Variants in ATP6V1H observed in about 807,000 individuals in gnomAD.
ATP6V1H encodes V-type proton ATPase subunit H.
In ATP6V1H, 39 loss-of-function variants were observed where a neutral mutation model predicts 71.7. The ratio of observed to expected loss-of-function variants is 0.54; its 90% CI spans 0.42 to 0.71. The LOEUF (loss-of-function observed/expected upper bound fraction) is 0.71, where lower values mean the gene tolerates loss of function less well. ATP6V1H is among the 30% of genes least tolerant of loss of function. The pLI is 0.00. For synonymous variants in ATP6V1H, 192 were observed against 199.3 expected, an observed-to-expected ratio of 0.96 and a Z score of 0.31; for missense variants, 509 against 594.9, an observed-to-expected ratio of 0.86 and a Z score of 1.50.
intron 10 of ATP6V1H, among the ~76,000 whole-genome samples, chr8:53,770,781 T>A (rs1464074073): frequency 6.6e-6 from 1 of 152,164 alleles, no homozygotes; most frequent in Non-Finnish European, 1.5e-5. Context: ...ACTAATCTTA[T>A]TTTTTGCAAA....
At chr8:53,799,525 T>G (rs1809843900) in intron 8 of ATP6V1H, among the ~76,000 whole-genome samples, 1 of 152,200 alleles carries the variant, frequency 6.6e-6, no homozygotes, top group South Asian at 2.1e-4. Flanking sequence ...CAGAAAGACG[T>G]GCTTACAAGG....
intron 12 of ATP6V1H, among the ~76,000 whole-genome samples, chr8:53,754,076 G>A (rs1343286717): frequency 6.6e-6 from 1 of 152,174 alleles, no homozygotes; most frequent in Non-Finnish European, 1.5e-5. Context: ...GAGGAACCCT[G>A]AACTTAGAGA....
intron 8 of ATP6V1H, among the ~76,000 whole-genome samples, chr8:53,797,762 G>A (rs1809788347): frequency 6.6e-6 from 1 of 151,892 alleles, no homozygotes. Flanking sequence ...CATTTTGGGA[G>A]GCCAGGGTGG....
chr8:53,797,724 G>A (rs1335182351), intron 8 of ATP6V1H, among the ~76,000 whole-genome samples: 1 of 151,820 alleles, frequency 6.6e-6, no homozygotes, highest in Non-Finnish European at 1.5e-5. Context: ...TAGTGGTTGG[G>A]CATGGTGGCT....
intron 5 of ATP6V1H, among the ~76,000 whole-genome samples, chr8:53,816,727 C>T (rs1245382001): frequency 6.6e-6 from 1 of 151,650 alleles, no homozygotes; most frequent in Non-Finnish European, 1.5e-5. Context: ...ACCCGGGAGG[C>T]GGAGGTTGCA....
At chr8:53,775,740 G>A (rs1230756852) in intron 9 of ATP6V1H, among the ~76,000 whole-genome samples, 1 of 152,176 alleles carries the variant, frequency 6.6e-6, no homozygotes, top group Non-Finnish European at 1.5e-5. Context: ...CAAACCTTGA[G>A]CTAGACACAG....
intron 13 of ATP6V1H, among the ~76,000 whole-genome samples, chr8:53,741,683 T>C (rs1315805503): frequency 6.6e-6 from 1 of 152,224 alleles, no homozygotes; most frequent in Non-Finnish European, 1.5e-5. Context: ...ATGTATCCTA[T>C]GTTTTACTGA....
At chr8:53,764,038 T>C (rs1418710997) in intron 11 of ATP6V1H, among the ~76,000 whole-genome samples, 1 of 152,164 alleles carries the variant, frequency 6.6e-6, no homozygotes. Context: ...GAGTAATTAA[T>C]AACCTTACAA....
chr8:53,793,186 G>A lies in ATP6V1H; in HGVS notation c.870+2461C>T, dbSNP rs140038065. Among the ~76,000 whole-genome samples, 333 of 152,156 alleles carry A rather than the reference G, an allele frequency of 2.2e-3. 1 individual carries two copies. Among genetic ancestry groups the A allele is most frequent in the African/African-American group, 6.3e-3 (262 of 41,496 alleles). On this transcript the variant is annotated intron_variant, in intron 9 of 13. Coordinates refer to ENST00000359530, the MANE Select transcript of ATP6V1H (RefSeq NM_015941.4). ...ATGCTCAGCCTCATTCATTATTAACGGAATGCAAATTTAAAACAATGATTT... is the reference window on the plus strand; with the variant it reads ...ATGCTCAGCCTCATTCATTATTAACAGAATGCAAATTTAAAACAATGATTT...
intron 9 of ATP6V1H, among the ~76,000 whole-genome samples, chr8:53,781,037 A>C (rs1482909097): frequency 6.6e-6 from 1 of 152,150 alleles, no homozygotes; most frequent in Non-Finnish European, 1.5e-5. Context: ...ATGATTTATA[A>C]TCCTTTGGGT....
chr8:53,805,376 T>C (rs1225397460), intron 7 of ATP6V1H, among the ~76,000 whole-genome samples: 1 of 152,210 alleles, frequency 6.6e-6, no homozygotes, highest in Non-Finnish European at 1.5e-5. Context: ...AATGAAAAGA[T>C]GCTGATCAAA....
intron 2 of ATP6V1H, among the ~76,000 whole-genome samples, chr8:53,835,152 A>C (rs1301094896): frequency 1.3e-5 from 2 of 150,796 alleles, no homozygotes; most frequent in Admixed American, 1.3e-4. Flanking sequence ...TGTCTCAAAC[A>C]AAAAAAAAGC....
chr8:53,799,751 G>C (rs1375490926), intron 8 of ATP6V1H, among the ~76,000 whole-genome samples: 1 of 152,146 alleles, frequency 6.6e-6, no homozygotes, highest in Non-Finnish European at 1.5e-5. Flanking sequence ...TGAGGGCAGA[G>C]CACTCATGAA....
intron 8 of ATP6V1H, among the ~76,000 whole-genome samples, chr8:53,800,407 G>C (rs1481342010): frequency 1.3e-5 from 2 of 152,222 alleles, no homozygotes; most frequent in Non-Finnish European, 2.9e-5. Flanking sequence ...ACAGAGGAAA[G>C]TGTTTCACAA....
intron 9 of ATP6V1H, among the ~76,000 whole-genome samples, chr8:53,786,542 G>A (rs1809391214): frequency 6.6e-6 from 1 of 152,270 alleles, no homozygotes; most frequent in African/African-American, 2.4e-5. Context: ...TGCACACACT[G>A]TCTGGCACTC....
chr8:53,812,870 T>C (rs1054988379), intron 6 of ATP6V1H, among the ~76,000 whole-genome samples: 4 of 152,162 alleles, frequency 2.6e-5, no homozygotes, highest in Non-Finnish European at 2.9e-5. Context: ...AATTGTTCTA[T>C]TTTTCGTAAA....
In ATP6V1H at chr8:53,716,039, T is replaced by C. The variant is rs756392272; in HGVS notation, c.1392-15A>G. 6.3e-7 allele frequency: 1 copy of C among 1,598,868 alleles called. No individual in the cohort carries two copies. Among genetic ancestry groups the C allele is most frequent in the Non-Finnish European group, 8.5e-7 (1 of 1,172,628 alleles). On this transcript the variant is annotated splice_polypyrimidine_tract_variant and intron_variant, in intron 13 of 13. Transcript: ENST00000359530. Reference sequence around the variant, plus strand: ...CAAGGTATTCCCTGAAAAAAAAGAATGAAGTAAGGAGAATGAGAATTTCAA... The same window carrying C: ...CAAGGTATTCCCTGAAAAAAAAGAACGAAGTAAGGAGAATGAGAATTTCAA...
chr8:53,822,843 A>T (rs1329987455), intron 4 of ATP6V1H, among the ~76,000 whole-genome samples: 1 of 152,218 alleles, frequency 6.6e-6, no homozygotes, highest in Non-Finnish European at 1.5e-5. Flanking sequence ...ATGAGTTGCT[A>T]TACCAGTATT....
chr8:53,814,466 T>C (rs542710021), intron 6 of ATP6V1H, among the ~76,000 whole-genome samples, 196 bp downstream of exon 6: 144 of 151,992 alleles, frequency 9.5e-4, no homozygotes, highest in African/African-American at 2.7e-3. Context: ...ACAGAAAGGA[T>C]TGAAATGAAG....
Sources: allele counts gnomAD v4.1 joint callset (sites outside exome capture counted in the v4.1 genomes callset), GRCh38; gene constraint gnomAD v4.1.1; transcripts MANE v1.5; gene names NCBI Gene and HGNC (gene_info 2026-07-23, HGNC 2026-07-21).